Variants in ZNF804B observed in about 807,000 individuals in gnomAD.
ZNF804B encodes the protein zinc finger 804B.
Under a neutral mutation model 101.4 loss-of-function variants are expected in ZNF804B, and 80 were observed. That is an observed-to-expected ratio of 0.79 (90% CI 0.66 to 0.95). ZNF804B has a LOEUF of 0.95. Among genes scored for constraint, ZNF804B ranks in the 40% least tolerant of loss-of-function variants. The pLI, the probability that ZNF804B is intolerant of heterozygous loss-of-function variation, is 0.00. For synonymous variants in ZNF804B, 622 were observed against 558.8 expected, an observed-to-expected ratio of 1.11 and a Z score of -1.59; for missense variants, 1,673 against 1,561.9, an observed-to-expected ratio of 1.07 and a Z score of -1.20.
intron 1 of ZNF804B, among the ~76,000 whole-genome samples, chr7:89,119,981 A>G (rs1421461619): frequency 6.7e-6 from 1 of 148,942 alleles, no homozygotes; most frequent in Non-Finnish European, 1.5e-5. Context: ...TTTTTTTTTA[A>G]TGGAGCAGAC....
At chr7:89,230,581 T>C (rs139657763) in intron 2 of ZNF804B, among the ~76,000 whole-genome samples, 68 of 152,214 alleles carry the variant, frequency 4.5e-4, no homozygotes, top group Non-Finnish European at 8.1e-4. Context: ...AATAGATCAA[T>C]AGATCAACAG....
At chr7:89,104,151 T>C (rs1790099763) in intron 1 of ZNF804B, among the ~76,000 whole-genome samples, 1 of 152,072 alleles carries the variant, frequency 6.6e-6, no homozygotes, top group Non-Finnish European at 1.5e-5. Flanking sequence ...GTGGAAGATT[T>C]TTGCATCTAT....
chr7:89,161,946 C>T (rs1426426210), intron 1 of ZNF804B, among the ~76,000 whole-genome samples: 1 of 134,710 alleles, frequency 7.4e-6, no homozygotes, highest in Non-Finnish European at 1.7e-5. Context: ...TTGTCATAAA[C>T]AGCATGTTGA....
intron 1 of ZNF804B, among the ~76,000 whole-genome samples, chr7:88,884,330 C>A (rs1482812689): frequency 6.6e-6 from 1 of 151,614 alleles, no homozygotes; most frequent in African/African-American, 2.4e-5. Flanking sequence ...GTATTGGAGA[C>A]TTTAAAATGA....
intron 1 of ZNF804B, among the ~76,000 whole-genome samples, chr7:88,898,407 C>T (rs1432741882): frequency 3.3e-5 from 5 of 151,840 alleles, no homozygotes; most frequent in Admixed American, 1.3e-4. Context: ...CTTATGGCTT[C>T]ATCATCTTAC....
Position 89,269,904 on chromosome 7 carries a change from T to A in ZNF804B, c.249+51609T>A, listed in dbSNP as rs539939196. ...TTCATATCCTTTGCCCACTTTTTGA[T>A]GGGGTTGTTTGTTTTTTTCTTGTAA... is the stretch of plus-strand genomic sequence containing the variant. On this transcript the variant is annotated intron_variant, in intron 2 of 3. Coordinates refer to ENST00000333190, the MANE Select transcript of ZNF804B (RefSeq NM_181646.5). Among the ~76,000 whole-genome samples, 211 of 152,312 alleles carry A rather than the reference T, an allele frequency of 1.4e-3. 1 individual carries two copies. The highest frequency in any genetic ancestry group is 1.9e-4 in the East Asian group (1 of 5,184).
At chr7:89,082,936 T>G (rs1184706163) in intron 1 of ZNF804B, among the ~76,000 whole-genome samples, 2 of 151,810 alleles carry the variant, frequency 1.3e-5, no homozygotes, top group Non-Finnish European at 2.9e-5. Flanking sequence ...ATGTAGATAA[T>G]TACATATTAT....
chr7:89,107,841 TG>T (rs1434823223), intron 1 of ZNF804B, among the ~76,000 whole-genome samples: 4 of 152,086 alleles, frequency 2.6e-5, no homozygotes, highest in South Asian at 2.1e-4. Flanking sequence ...CTAAGCGGCA[TG>T]GGGGGTATTC....
chr7:88,759,857 T>C lies in ZNF804B; in HGVS notation c.-120T>C. On this transcript the variant is annotated 5_prime_UTR_variant, in exon 1 of 4. Coordinates refer to ENST00000333190, the MANE Select transcript of ZNF804B (RefSeq NM_181646.5). ...CGCGCTGCCACCGCCTCCCCCTGCGTCCTGCTGGCCGCGTCTTCTCGGGAG... is the reference window on the plus strand; with the variant it reads ...CGCGCTGCCACCGCCTCCCCCTGCGCCCTGCTGGCCGCGTCTTCTCGGGAG... The C allele has an allele frequency of 2.6e-6, 2 of 771,318 alleles. No individual in the cohort carries two copies. 47.8% of individuals were successfully genotyped at this position (771,318 alleles called of 1,614,324 possible).
intron 2 of ZNF804B, among the ~76,000 whole-genome samples, chr7:89,312,750 T>C (rs977561345): frequency 1.3e-5 from 2 of 151,068 alleles, no homozygotes; most frequent in East Asian, 2.0e-4. Context: ...TCCCAGCTAC[T>C]AGGAAGGCTG....
At chr7:89,188,164 G>T (rs1788402748) in intron 1 of ZNF804B, among the ~76,000 whole-genome samples, 1 of 151,736 alleles carries the variant, frequency 6.6e-6, no homozygotes, top group Non-Finnish European at 1.5e-5. Context: ...CTCACTTCTT[G>T]TCTCTGTGTT....
chr7:89,150,106 C>T (rs1248864331), intron 1 of ZNF804B, among the ~76,000 whole-genome samples: 1 of 151,846 alleles, frequency 6.6e-6, no homozygotes, highest in Non-Finnish European at 1.5e-5. Flanking sequence ...TGATGAAATC[C>T]TGCATTGTCC....
chr7:89,193,617 C>T (rs1202497997), intron 1 of ZNF804B, among the ~76,000 whole-genome samples: 4 of 152,116 alleles, frequency 2.6e-5, no homozygotes, highest in South Asian at 2.1e-4. Flanking sequence ...CCAGCTTCAT[C>T]CATGTTCCTA....
intron 1 of ZNF804B, among the ~76,000 whole-genome samples, chr7:89,212,861 T>C (rs762656401): frequency 2.6e-5 from 4 of 152,180 alleles, no homozygotes; most frequent in Non-Finnish European, 5.9e-5. Context: ...TAAGGAGGCA[T>C]ACTGGAGTGG....
chr7:89,047,892 CCT>C (rs1491169038), intron 1 of ZNF804B, among the ~76,000 whole-genome samples: 1 of 58,238 alleles, frequency 1.7e-5, no homozygotes, highest in Non-Finnish European at 4.0e-5. Flanking sequence ...GTGGCTAAAT[CCT>C]TTTTTTTTTT....
chr7:89,279,790 C>G (rs1465209553), intron 2 of ZNF804B, among the ~76,000 whole-genome samples: 2 of 151,838 alleles, frequency 1.3e-5, no homozygotes, highest in Non-Finnish European at 2.9e-5. Context: ...CAATGTTCAT[C>G]AAGGATATTG....
Position 88,897,418 on chromosome 7 carries a change from T to A in ZNF804B, c.108+137334T>A, listed in dbSNP as rs912404623. ...CTTCTACAGGCTGGAAAAGACAAGG[T>A]AACAAATTCTCTCCTAAAGTCTCCA... On this transcript the variant is annotated intron_variant, in intron 1 of 3. Transcript: ENST00000333190. Among the ~76,000 whole-genome samples the A allele has an allele frequency of 6.6e-5, 10 of 152,240 alleles. No individual in the cohort carries two copies. The East Asian group carries it at 1.7e-3, about 26-fold the overall frequency.
chr7:89,333,851 G>T lies in ZNF804B; in HGVS notation c.869G>T (p.Ser290Ile), dbSNP rs1300007180. 1.9e-6 allele frequency: 3 copies of T among 1,567,512 alleles called. No homozygotes were observed. The highest frequency in any genetic ancestry group is 2.6e-6 in the Non-Finnish European group (3 of 1,153,124). ...AATATCTCACCAAGCCATCTGGAAA[G>T]TGTTTTACACAATACCATCTCCATA... ...EVNISPSHLE[S>I]VLHNTISINS... is the part of the protein sequence containing the mutation. Residue 290 changes from serine (S) to isoleucine (I), a missense_variant, in exon 4 of 4, where the codon AGT becomes ATT. Ser to Ile is a moderately radical substitution (Grantham distance 142). Transcript: ENST00000333190.
intron 1 of ZNF804B, among the ~76,000 whole-genome samples, chr7:89,160,656 A>C (rs1791045302): frequency 6.6e-6 from 1 of 152,260 alleles, no homozygotes; most frequent in East Asian, 1.9e-4. Context: ...GGAAAAACAA[A>C]GACATTTATC....
Sources: allele counts gnomAD v4.1 joint callset (sites outside exome capture counted in the v4.1 genomes callset), GRCh38; gene constraint gnomAD v4.1.1; transcripts MANE v1.5; gene names NCBI Gene and HGNC (gene_info 2026-07-23, HGNC 2026-07-21).